Variants in GYG2 observed in about 807,000 individuals in gnomAD.
The protein encoded by GYG2 is glycogenin 2, also known as glycogenin-2.
Under a neutral mutation model 29.4 loss-of-function variants are expected in GYG2, and 29 were observed. That is an observed-to-expected ratio of 0.99 (90% CI 0.74 to 1.35). GYG2 has a LOEUF of 1.35. Among genes scored for constraint, GYG2 ranks in the 40% most tolerant of loss-of-function variants. GYG2 has a pLI of 0.00. For synonymous variants in GYG2, 167 were observed against 172.3 expected, an observed-to-expected ratio of 0.97 and a Z score of 0.24; for missense variants, 370 against 385.7, an observed-to-expected ratio of 0.96 and a Z score of 0.34.
chrX:2,853,991 C>T lies in GYG2; in HGVS notation c.161C>T (p.Ser54Leu), dbSNP rs760623010. The change falls in exon 4 of 11, where the codon TCG becomes TTG. Residue 54 changes from serine to leucine, a missense_variant. Transcript: ENST00000398806. Reference protein sequence around the residue: ...QVSSLLRVILSKVFDEVIEVN... With the variant: ...QVSSLLRVILLKVFDEVIEVN... ...CATGTCTGTTCCAGGGTCATCCTCT[C>T]GAAGGTGTTCGATGAAGTCATTGAA... 1.8e-5 allele frequency: 21 copies of T among 1,198,143 alleles called. No homozygotes were observed. In the South Asian group the frequency reaches 3.4e-4, roughly 19 times the overall value.
At chrX:2,879,360 C>T (rs866159179) in intron 10 of GYG2, among the ~76,000 whole-genome samples, 2 of 107,754 alleles carry the variant, frequency 1.9e-5, no homozygotes, top group Admixed American at 1.0e-4. Context: ...CTCCGCCTCC[C>T]GGGTTCAAGT....
At chrX:2,850,338 A>C (rs1007211823) in intron 3 of GYG2, among the ~76,000 whole-genome samples, 1 of 111,986 alleles carries the variant, frequency 8.9e-6, no homozygotes, top group African/African-American at 3.2e-5. Flanking sequence ...GTCTGGGAAG[A>C]AGACATAGGT....
chrX:2,860,682 A>G (rs1415001401), intron 7 of GYG2, among the ~76,000 whole-genome samples: 3 of 104,108 alleles, frequency 2.9e-5, no homozygotes, highest in Non-Finnish European at 5.8e-5. Flanking sequence ...CATTTGTACT[A>G]GAGTACCAGA....
intron 8 of GYG2, among the ~76,000 whole-genome samples, chrX:2,870,264 C>T (rs1037048627): frequency 1.4e-4 from 15 of 110,484 alleles, no homozygotes; most frequent in African/African-American, 2.6e-4. Context: ...TGCACTGGTG[C>T]GATCTCGGCT....
intron 8 of GYG2, among the ~76,000 whole-genome samples, chrX:2,865,270 C>T (rs760219726): frequency 9.0e-6 from 1 of 111,249 alleles, no homozygotes; most frequent in East Asian, 2.8e-4. Flanking sequence ...CAGGACGCTC[C>T]AGTCCCAGCT....
intron 10 of GYG2, among the ~76,000 whole-genome samples, chrX:2,880,485 C>T (rs2088697530): frequency 1.8e-5 from 2 of 111,063 alleles, no homozygotes; most frequent in South Asian, 3.8e-4. Context: ...GGTTTAGTGG[C>T]TAGAAATGAA....
Position 2,856,583 on chromosome X carries a change from G to C in GYG2, c.573G>C (p.Leu191Phe). The C allele has an allele frequency of 8.3e-7, 1 of 1,204,748 alleles. No individual in the cohort carries two copies. Among genetic ancestry groups the C allele is most frequent in the Admixed American group, 2.2e-5 (1 of 45,870 alleles). Reference sequence around the variant, plus strand: ...AGCACCTGCCGTTCATCTATAACTTGAGTAGTAACACGATGTACACTTACA... The same window carrying C: ...AGCACCTGCCGTTCATCTATAACTTCAGTAGTAACACGATGTACACTTACA... ...IHKHLPFIYNLSSNTMYTYSP... is the reference protein window; with the variant it reads ...IHKHLPFIYNFSSNTMYTYSP... Residue 191 changes from leucine to phenylalanine, a missense_variant, in exon 6 of 11, where the codon TTG becomes TTC. Transcript: ENST00000398806.
chrX:2,856,536 T>C lies in GYG2; in HGVS notation c.526T>C (p.Trp176Arg), dbSNP rs2087988456. Residue 176 changes from tryptophan to arginine, a missense_variant, in exon 6 of 11, where the codon TGG becomes CGG. Coordinates refer to ENST00000398806, the MANE Select transcript of GYG2 (RefSeq NM_001079855.2). The part of the protein sequence containing the change: ...QGLLNSFFRN[W>R]STTDIHKHLP... ...CTTACTGAATAGTTTCTTCAGGAAC[T>C]GGTCGACCACAGACATCCACAAGCA... 1 of 1,206,359 alleles carries C rather than the reference T, an allele frequency of 8.3e-7. No individual in the cohort carries two copies. The highest frequency in any genetic ancestry group is 2.2e-5 in the Admixed American group (1 of 45,889).
intron 2 of GYG2, among the ~76,000 whole-genome samples, chrX:2,836,392 C>A (rs1299934561): frequency 9.0e-6 from 1 of 110,808 alleles, no homozygotes; most frequent in Non-Finnish European, 1.9e-5. Context: ...TAGTCTGGTG[C>A]GGTGGCTGGC....
intron 3 of GYG2, among the ~76,000 whole-genome samples, chrX:2,850,819 C>T (rs959419814): frequency 5.4e-5 from 6 of 110,342 alleles, no homozygotes; most frequent in African/African-American, 2.0e-4. Context: ...ACGGCCCCAC[C>T]CCTATCTCCC....
chrX:2,848,558 A>C (rs1029158699), intron 3 of GYG2, among the ~76,000 whole-genome samples: 99 of 109,551 alleles, frequency 9.0e-4, no homozygotes, highest in African/African-American at 3.1e-3. Context: ...AAAAAAAAAA[A>C]ACCTGACTAT....
intron 8 of GYG2, among the ~76,000 whole-genome samples, chrX:2,872,188 G>A (rs964559201): frequency 1.7e-4 from 19 of 112,129 alleles, no homozygotes; most frequent in African/African-American, 6.1e-4. Flanking sequence ...CTTCAGTCAG[G>A]CTTTTAGGGG....
chrX:2,880,602 A>G (rs1436903329), intron 10 of GYG2, among the ~76,000 whole-genome samples: 2 of 112,273 alleles, frequency 1.8e-5, no homozygotes, highest in Non-Finnish European at 3.8e-5. Flanking sequence ...AATCTAGTGT[A>G]TATTTAGCTC....
intron 2 of GYG2, among the ~76,000 whole-genome samples, chrX:2,834,057 G>A (rs2087322425): frequency 8.9e-6 from 1 of 112,275 alleles, no homozygotes; most frequent in African/African-American, 3.2e-5. Flanking sequence ...CTCTTCCTGT[G>A]GGTCCTTGTT....
At chrX:2,874,433 A>G (rs2088548554) in intron 8 of GYG2, among the ~76,000 whole-genome samples, 1 of 112,345 alleles carries the variant, frequency 8.9e-6, no homozygotes, top group Non-Finnish European at 1.9e-5. Context: ...CTTCCCTAGG[A>G]GTGTCTCCCC....
At chrX:2,880,710 C>T (rs1442139474) in intron 10 of GYG2, among the ~76,000 whole-genome samples, 2 of 110,920 alleles carry the variant, frequency 1.8e-5, no homozygotes, top group Non-Finnish European at 3.8e-5. Context: ...GAATTCAAGA[C>T]CACACTGGGC....
intron 8 of GYG2, among the ~76,000 whole-genome samples, chrX:2,869,489 T>A (rs2088401367): frequency 8.9e-6 from 1 of 111,752 alleles, no homozygotes; most frequent in Non-Finnish European, 1.9e-5. Context: ...TTACTCTGGG[T>A]TTTTTATTTA....
rs999241772 is a variant in GYG2 at position 2,881,827 on chromosome X, G to C, written c.*614G>C. The C allele has an allele frequency of 9.0e-6, 1 of 111,492 alleles. No individual in the cohort carries two copies. Among genetic ancestry groups the C allele is most frequent in the African/African-American group, 3.3e-5 (1 of 30,643 alleles). 9.2% of individuals were successfully genotyped at this position (111,492 alleles called of 1,213,427 possible). A position where few individuals can be genotyped will look rare whatever the true frequency, so the allele number is the denominator to read the frequency against. On this transcript the variant is annotated 3_prime_UTR_variant, in exon 11 of 11. Coordinates refer to ENST00000398806, the MANE Select transcript of GYG2 (RefSeq NM_001079855.2). ...TAGAGCGTTGACAGAAATTCTACTC[G>C]TGGACGTTGGGAAGAAAGATTGTAG...
intron 10 of GYG2, 102 bp downstream of exon 10, chrX:2,877,409 T>G: frequency 9.0e-7 from 1 of 1,109,844 alleles, no homozygotes; most frequent in African/African-American, 1.8e-5. Flanking sequence ...TTTTTCAGCC[T>G]CATTTAACAA....
Sources: allele counts gnomAD v4.1 joint callset (sites outside exome capture counted in the v4.1 genomes callset), GRCh38; gene constraint gnomAD v4.1.1; transcripts MANE v1.5; gene names NCBI Gene and HGNC (gene_info 2026-07-23, HGNC 2026-07-21).